The following PRKG1 variants were observed in gnomAD, a reference collection of about 807,000 sequenced individuals.
PRKG1 encodes the protein protein kinase cGMP-dependent 1, also known as cGMP-dependent protein kinase 1.
In PRKG1, 35 loss-of-function variants were observed where a neutral mutation model predicts 88.1. The observed-to-expected ratio is 0.40, with a 90% CI of 0.30 to 0.53. The LOEUF (loss-of-function observed/expected upper bound fraction) is 0.53, where lower values mean the gene tolerates loss of function less well. Ranked by LOEUF, PRKG1 falls within the 20% of genes least tolerant of loss-of-function variation. The pLI is 0.59. For missense variants in PRKG1, 540 were observed against 839.8 expected, an observed-to-expected ratio of 0.64 and a Z score of 4.41; for synonymous variants, 303 against 292.5, an observed-to-expected ratio of 1.04 and a Z score of -0.37.
At chr10:51,471,029 C>T (rs1291775048) in intron 3 of PRKG1, among the ~76,000 whole-genome samples, 1 of 151,900 alleles carries the variant, frequency 6.6e-6, no homozygotes, top group African/African-American at 2.4e-5. Context: ...TGATTCAGAT[C>T]TATATTCATA....
chr10:51,306,387 C>A (rs1841038356), intron 2 of PRKG1, among the ~76,000 whole-genome samples: 1 of 152,072 alleles, frequency 6.6e-6, no homozygotes, highest in Admixed American at 6.6e-5. Context: ...TGCATATTTC[C>A]CTCTTCAACT....
chr10:51,778,975 C>T (rs1252225933), intron 3 of PRKG1, among the ~76,000 whole-genome samples: 1 of 152,020 alleles, frequency 6.6e-6, no homozygotes, highest in African/African-American at 2.4e-5. Flanking sequence ...GTTGGTTTTT[C>T]TTTTGCACTG....
chr10:51,894,495 T>C (rs1166350336), intron 4 of PRKG1, among the ~76,000 whole-genome samples: 1 of 152,198 alleles, frequency 6.6e-6, no homozygotes, highest in East Asian at 1.9e-4. Flanking sequence ...ACAATATGAA[T>C]ATTGTTAATG....
rs538372570 is a variant in PRKG1, at chr10:51,094,723, G to A, written c.311+19822G>A. Among the ~76,000 whole-genome samples, 220 of 152,258 alleles carry A rather than the reference G, an allele frequency of 1.4e-3. 1 individual carries two copies. The highest frequency in any genetic ancestry group is 3.4e-3 in the Middle Eastern group (1 of 294). On this transcript the variant is annotated intron_variant, in intron 1 of 17. Coordinates refer to ENST00000373980, the MANE Select transcript of PRKG1 (RefSeq NM_006258.4). ...CACAAAAGCTGCCGAAACCCTTGTG[G>A]CCAAATTAGGTTGGGTTTTGTGACC...
intron 3 of PRKG1, among the ~76,000 whole-genome samples, chr10:51,586,625 A>G (rs1838181074): frequency 6.6e-6 from 1 of 152,170 alleles, no homozygotes; most frequent in Non-Finnish European, 1.5e-5. Context: ...GTCCATGCTT[A>G]GGTTAGAGTT....
chr10:51,383,218 ATC>A (rs1024815196), intron 2 of PRKG1, among the ~76,000 whole-genome samples: 1 of 152,156 alleles, frequency 6.6e-6, no homozygotes, highest in African/African-American at 2.4e-5. Flanking sequence ...ACAACCAAAT[ATC>A]GCTACTGTCT....
At chr10:51,778,909 T>G (rs1192655509) in intron 3 of PRKG1, among the ~76,000 whole-genome samples, 1 of 152,080 alleles carries the variant, frequency 6.6e-6, no homozygotes, top group East Asian at 1.9e-4. Context: ...CTACTAGAAA[T>G]AAGCTGGTAA....
intron 3 of PRKG1, among the ~76,000 whole-genome samples, chr10:51,635,619 A>G (rs565407188): frequency 6.6e-6 from 1 of 152,258 alleles, no homozygotes; most frequent in African/African-American, 2.4e-5. Flanking sequence ...CATGTCCTAG[A>G]CAGATGGCCA....
At chr10:51,818,669 G>GCA (rs1839656341) in intron 4 of PRKG1, among the ~76,000 whole-genome samples, 1 of 152,090 alleles carries the variant, frequency 6.6e-6, no homozygotes, top group Admixed American at 6.6e-5. Flanking sequence ...TCTCTCTTCA[G>GCA]TACTGGCTTT....
intron 5 of PRKG1, among the ~76,000 whole-genome samples, chr10:52,036,854 C>A (rs1253082396): frequency 6.6e-6 from 1 of 151,958 alleles, no homozygotes; most frequent in African/African-American, 2.4e-5. Context: ...GCCGTCAATA[C>A]CCACAACAGT....
intron 8 of PRKG1, among the ~76,000 whole-genome samples, chr10:52,157,715 T>C (rs1195247065): frequency 6.6e-6 from 1 of 151,492 alleles, no homozygotes; most frequent in Admixed American, 6.6e-5. Flanking sequence ...TCTTAGTGTG[T>C]AAGAGTTATA....
chr10:51,809,448 G>A (rs1839395617), intron 4 of PRKG1, among the ~76,000 whole-genome samples: 1 of 152,186 alleles, frequency 6.6e-6, no homozygotes, highest in African/African-American at 2.4e-5. Flanking sequence ...CCAAATAACT[G>A]CCAGAGTTAA....
At chr10:51,248,416 G>T (rs576633991) in intron 2 of PRKG1, among the ~76,000 whole-genome samples, 5 of 151,666 alleles carry the variant, frequency 3.3e-5, no homozygotes, top group Admixed American at 3.3e-4. Context: ...TAAAAAAATC[G>T]CTCTTTTAGA....
chr10:52,184,613 A>G (rs1440339970), intron 9 of PRKG1: 1 of 152,168 alleles, frequency 6.6e-6, no homozygotes, highest in Non-Finnish European at 1.5e-5. Context: ...GACCATTTTT[A>G]TGTTACTATC....
At chr10:51,032,241 A>T (rs1843292728) in intron 1 of PRKG1, among the ~76,000 whole-genome samples, 2 of 152,056 alleles carry the variant, frequency 1.3e-5, no homozygotes, top group Admixed American at 1.3e-4. Flanking sequence ...CTTGCAGCTC[A>T]TTGGCACCAC....
At chr10:52,027,985 C>T (rs1003503947) in intron 5 of PRKG1, among the ~76,000 whole-genome samples, 3 of 152,112 alleles carry the variant, frequency 2.0e-5, no homozygotes, top group South Asian at 4.2e-4. Context: ...CGTGGGGTTT[C>T]ACCATGTTGG....
rs190153518 is a variant in PRKG1, at chr10:51,041,530, C to T, written c.266+49886C>T. On this transcript the variant is annotated intron_variant, in intron 1 of 17. Coordinates refer to the PRKG1 transcript ENST00000401604. ...TATTCAGGATCCAGTGGCTCTTTTG[C>T]CAGCAGGTGATGGATACTGCCAGGA... 5.2e-3 allele frequency among the ~76,000 whole-genome samples: 788 copies of T among 152,106 alleles called. 3 individuals carry two copies. The highest frequency in any genetic ancestry group is 0.014 in the Middle Eastern group (4 of 294).
intron 2 of PRKG1, among the ~76,000 whole-genome samples, chr10:51,428,884 A>C (rs1264428429): frequency 6.6e-6 from 1 of 152,212 alleles, no homozygotes; most frequent in Non-Finnish European, 1.5e-5. Flanking sequence ...ATTCACCAAA[A>C]ATTAAACAGG....
At chr10:51,658,789 A>G (rs1194817928) in intron 3 of PRKG1, among the ~76,000 whole-genome samples, 2 of 152,014 alleles carry the variant, frequency 1.3e-5, no homozygotes, top group Non-Finnish European at 2.9e-5. Flanking sequence ...TTTTCAGAAA[A>G]TAGTGTCTCC....
Sources: allele counts gnomAD v4.1 joint callset (sites outside exome capture counted in the v4.1 genomes callset), GRCh38; gene constraint gnomAD v4.1.1; transcripts MANE v1.5; gene names NCBI Gene and HGNC (gene_info 2026-07-23, HGNC 2026-07-21).